Variants in FGF14 observed in about 807,000 individuals in gnomAD.
FGF14 encodes the protein fibroblast growth factor 14, also known as fibroblast growth factor homologous factor 4.
FGF14 carries 5 observed loss-of-function variants against 25.5 expected under a neutral mutation model. That is an observed-to-expected ratio of 0.20 (90% CI 0.10 to 0.41). The LOEUF (loss-of-function observed/expected upper bound fraction) is 0.41. Among genes scored for constraint, FGF14 ranks in the 10% least tolerant of loss-of-function variants. The pLI, the probability that FGF14 is intolerant of heterozygous loss-of-function variation, is 1.00. For synonymous variants in FGF14, 138 were observed against 118.3 expected (o/e 1.17, Z -1.08); for missense variants, 222 against 320.1 (o/e 0.69, Z 2.34).
At chr13:101,750,239 C>T (rs549578808) in intron 3 of FGF14, among the ~76,000 whole-genome samples, 134 of 152,182 alleles carry the variant, frequency 8.8e-4, no homozygotes, top group Non-Finnish European at 1.6e-3. Flanking sequence ...TAAGATACAG[C>T]AATCTTTACA....
intron 3 of FGF14, among the ~76,000 whole-genome samples, chr13:101,730,649 T>C (rs975362196): frequency 1.3e-5 from 2 of 152,146 alleles, no homozygotes; most frequent in Non-Finnish European, 2.9e-5. Context: ...GGAAAACAGA[T>C]TGCATTGAAA....
At chr13:102,391,883 C>T (rs2058441226) in intron 1 of FGF14, among the ~76,000 whole-genome samples, 1 of 152,190 alleles carries the variant, frequency 6.6e-6, no homozygotes, top group South Asian at 2.1e-4. Context: ...ACCTGGTATA[C>T]AGCAGCAATA....
At chr13:102,328,807 T>C (rs570655548) in intron 1 of FGF14, among the ~76,000 whole-genome samples, 1 of 152,150 alleles carries the variant, frequency 6.6e-6, no homozygotes, top group African/African-American at 2.4e-5. Context: ...ATTCCAGGAG[T>C]TATAAGAGTA....
At chr13:102,392,759 T>C (rs1259832718) in intron 1 of FGF14, among the ~76,000 whole-genome samples, 1 of 152,184 alleles carries the variant, frequency 6.6e-6, no homozygotes, top group African/African-American at 2.4e-5. Context: ...CTAAGATGGA[T>C]GGACTTCACT....
At chr13:102,046,947 C>G (rs1008176192) in intron 1 of FGF14, among the ~76,000 whole-genome samples, 7 of 152,164 alleles carry the variant, frequency 4.6e-5, no homozygotes, top group African/African-American at 1.7e-4. Context: ...CAAACCATCT[C>G]AGCAGATGGA....
intron 1 of FGF14, among the ~76,000 whole-genome samples, chr13:102,401,247 A>G (rs1415160379): frequency 6.6e-6 from 1 of 151,010 alleles, no homozygotes; most frequent in Non-Finnish European, 1.5e-5. Flanking sequence ...CCTCCTAGTG[A>G]TGGATTGTGT....
chr13:102,368,113 A>C (rs886408366), intron 1 of FGF14: 2 of 152,182 alleles, frequency 1.3e-5, no homozygotes, highest in Non-Finnish European at 2.9e-5. Context: ...ATCAGAGTAA[A>C]CTTTGTGTGA....
intron 1 of FGF14, among the ~76,000 whole-genome samples, chr13:101,911,923 A>T (rs1347122871): frequency 2.6e-5 from 4 of 152,130 alleles, no homozygotes; most frequent in Non-Finnish European, 4.4e-5. Context: ...TAGTTTAGCC[A>T]AAACAGCCAA....
intron 1 of FGF14, among the ~76,000 whole-genome samples, chr13:101,937,539 T>C (rs1026198009): frequency 6.6e-6 from 1 of 152,218 alleles, no homozygotes; most frequent in Non-Finnish European, 1.5e-5. Flanking sequence ...ACTGACACCT[T>C]GACCGTGGAC....
intron 1 of FGF14, among the ~76,000 whole-genome samples, chr13:101,960,920 G>T (rs1338720909): frequency 6.6e-6 from 1 of 152,118 alleles, no homozygotes; most frequent in Admixed American, 6.5e-5. Flanking sequence ...TTGTGGTTTT[G>T]ATTTGCATTT....
chr13:101,761,820 T>C (rs190965552), intron 3 of FGF14, among the ~76,000 whole-genome samples: 120 of 152,296 alleles, frequency 7.9e-4, no homozygotes, highest in African/African-American at 2.7e-3. Flanking sequence ...CTAATGGCAG[T>C]TGGGTAGGCA....
intron 1 of FGF14, among the ~76,000 whole-genome samples, chr13:101,974,588 C>CA (rs1459736533): frequency 6.6e-6 from 1 of 152,110 alleles, no homozygotes; most frequent in Non-Finnish European, 1.5e-5. Context: ...TACCACATTG[C>CA]ACAACTCCAG....
At chr13:102,074,595 C>T (rs2043286155) in intron 1 of FGF14, among the ~76,000 whole-genome samples, 1 of 152,132 alleles carries the variant, frequency 6.6e-6, no homozygotes, top group South Asian at 2.1e-4. Context: ...ATGAGGCCAA[C>T]ATTACCCTGA....
intron 3 of FGF14, among the ~76,000 whole-genome samples, chr13:101,837,213 C>T (rs1594428966): frequency 6.6e-6 from 1 of 151,372 alleles, no homozygotes; most frequent in Non-Finnish European, 1.5e-5. Context: ...TATTTGTGTG[C>T]CATCTTGGTC....
intron 1 of FGF14, among the ~76,000 whole-genome samples, chr13:101,938,902 A>G (rs1176417527): frequency 1.3e-5 from 2 of 152,188 alleles, no homozygotes; most frequent in African/African-American, 4.8e-5. Flanking sequence ...CACTGAGGGC[A>G]TTTTTGCCCT....
chr13:102,075,804 G>C (rs1476074728), intron 1 of FGF14, among the ~76,000 whole-genome samples: 7 of 152,152 alleles, frequency 4.6e-5, no homozygotes, highest in African/African-American at 1.7e-4. Flanking sequence ...TGTGGAAGTG[G>C]AACACAGTGA....
intron 1 of FGF14, among the ~76,000 whole-genome samples, chr13:101,998,882 T>C (rs2039328294): frequency 1.3e-5 from 2 of 152,228 alleles, no homozygotes; most frequent in African/African-American, 4.8e-5. Context: ...ACAAAACACC[T>C]AGAGTGTCTG....
intron 1 of FGF14, among the ~76,000 whole-genome samples, chr13:102,289,346 G>T (rs1196683772): frequency 1.3e-5 from 2 of 151,986 alleles, no homozygotes; most frequent in Non-Finnish European, 2.9e-5. Flanking sequence ...TCTGATTAAT[G>T]GCTTTCTAGA....
intron 1 of FGF14, among the ~76,000 whole-genome samples, chr13:101,883,705 C>T (rs2045837209): frequency 6.6e-6 from 1 of 152,090 alleles, no homozygotes; most frequent in Admixed American, 6.6e-5. Flanking sequence ...CTTAAAAATA[C>T]TAACTCATTT....
Sources: gnomAD v4.1 joint callset for allele counts (sites outside exome capture counted in the v4.1 genomes callset) on GRCh38, gnomAD v4.1.1 for gene constraint, MANE v1.5 for transcripts, NCBI Gene and HGNC (gene_info 2026-07-23, HGNC 2026-07-21) for gene names.